The following PWWP3A variants were observed in gnomAD, a reference collection of about 807,000 sequenced individuals.
PWWP3A encodes the protein PWWP domain-containing DNA repair factor 3A.
Under a neutral mutation model 79.0 loss-of-function variants are expected in PWWP3A, and 53 were observed. That is an observed-to-expected ratio of 0.67 (90% CI 0.54 to 0.84). PWWP3A has a LOEUF of 0.84. Among genes scored for constraint, PWWP3A ranks in the 40% least tolerant of loss-of-function variants. The pLI, the probability that PWWP3A is intolerant of heterozygous loss-of-function variation, is 0.00. For missense variants in PWWP3A, 973 were observed against 948.0 expected (o/e 1.03, Z -0.35); for synonymous variants, 443 against 394.4 (o/e 1.12, Z -1.46).
intron 7 of PWWP3A, among the ~76,000 whole-genome samples, 169 bp from the exon 8 acceptor site, chr19:1,366,136 G>A (rs2082122938): frequency 6.6e-6 from 1 of 152,280 alleles, no homozygotes. Context: ...GATGCGTGTG[G>A]CAGAGCATGG....
rs2082420680 is a variant in PWWP3A, at chr19:1,377,209, C to T, written c.*633C>T. On this transcript the variant is annotated 3_prime_UTR_variant, in exon 14 of 14. Transcript: ENST00000591337. ...CCTTTCCAGGGGCCTCTGTGTCCCGCACTGTGTGTGAGTGGACCGCAGCGC... is the reference window on the plus strand; with the variant it reads ...CCTTTCCAGGGGCCTCTGTGTCCCGTACTGTGTGTGAGTGGACCGCAGCGC... The T allele has an allele frequency of 6.6e-6, 1 of 152,606 alleles. No homozygotes were observed. Among genetic ancestry groups the T allele is most frequent in the African/African-American group, 2.4e-5 (1 of 41,428 alleles). The allele number at this position is 152,606 out of a possible 1,614,324, so 9.5% of individuals were successfully genotyped here. A position where few individuals can be genotyped will look rare whatever the true frequency, so the allele number is the denominator to read the frequency against.
Position 1,360,538 on chromosome 19 carries a change from T to A in PWWP3A, c.617T>A (p.Ile206Asn). The A allele has an allele frequency of 6.2e-7, 1 of 1,614,134 alleles. No homozygotes were observed. Among genetic ancestry groups the A allele is most frequent in the Non-Finnish European group, 8.5e-7 (1 of 1,180,034 alleles). ...GCCCAAGATGAGAGTGGGTCCAGAA[T>A]CCACCACAAAAATTGGACTCTTGCA... ...GGAQDESGSR[I>N]HHKNWTLASK... The change falls in exon 5 of 14, where the codon ATC (isoleucine) becomes AAC (asparagine). Residue 206 changes from isoleucine to asparagine, a missense_variant. Coordinates refer to ENST00000591337, the MANE Select transcript of PWWP3A (RefSeq NM_001369789.1). The surrounding 1 kb of genome is among the most constrained non-coding windows in gnomAD (Gnocchi z 4.4).
intron 12 of PWWP3A, among the ~76,000 whole-genome samples, chr19:1,371,703 T>C (rs1204691687): frequency 6.6e-6 from 1 of 151,802 alleles, no homozygotes; most frequent in Non-Finnish European, 1.5e-5. Context: ...ACTTTATAAC[T>C]ATGGGAATTT....
Position 1,360,040 on chromosome 19 carries a change from C to A in PWWP3A, c.215-96C>A, listed in dbSNP as rs548849190. On this transcript the variant is annotated intron_variant, in intron 4 of 13. Transcript: ENST00000591337. This position sits in a 1 kb window ranked among gnomAD's most constrained non-coding sequence, Gnocchi z 4.4. Reference sequence around the variant, plus strand: ...TCAGTGATTTAGGTATGAAACTAGCCGTCAGAATGAGACAAGCGAGCTTCT... The same window carrying A: ...TCAGTGATTTAGGTATGAAACTAGCAGTCAGAATGAGACAAGCGAGCTTCT... The A allele has an allele frequency of 8.0e-7, 1 of 1,253,412 alleles. No individual in the cohort carries two copies. 77.6% of individuals were successfully genotyped at this position (1,253,412 alleles called of 1,614,324 possible).
In PWWP3A at chr19:1,377,841, C is replaced by T. The variant is rs1303144314; in HGVS notation, c.*1265C>T. The T allele has an allele frequency of 2.0e-5, 3 of 152,282 alleles. No individual in the cohort carries two copies. The allele number at this position is 152,282 out of a possible 1,614,324, so 9.4% of individuals were successfully genotyped here. On this transcript the variant is annotated 3_prime_UTR_variant, in exon 14 of 14. Transcript: ENST00000591337. The stretch of plus-strand genomic sequence containing the variant: ...GTGACCCTCTTCCCCCAGGCCCTCC[C>T]CAGCCGACGACAGCCACCGGAGAGG...
rs1318248001 is a variant in PWWP3A at position 1,369,987 on chromosome 19, T to G, written c.1549+341T>G. On this transcript the variant is annotated intron_variant, in intron 11 of 13. Transcript: ENST00000591337. The surrounding 1 kb of genome is among the most constrained non-coding windows in gnomAD (Gnocchi z 4.0). ...GCTCACACCTGTAATCCCAGCACTT[T>G]GGGAGGCTGAAGCAAGAGGATTGCT... is the stretch of plus-strand genomic sequence containing the variant. Among the ~76,000 whole-genome samples, 2 of 152,176 alleles carry G rather than the reference T, an allele frequency of 1.3e-5. No homozygotes were observed. Among genetic ancestry groups the G allele is most frequent in the Non-Finnish European group, 2.9e-5 (2 of 68,020 alleles).
At chr19:1,356,514 G>C (rs2081871431) in intron 2 of PWWP3A, 65 bp downstream of exon 2, 1 of 1,474,712 alleles carries the variant, frequency 6.8e-7, no homozygotes, top group African/African-American at 1.4e-5. Flanking sequence ...GTAAAATCTT[G>C]ATCAGGAGAT....
intron 8 of PWWP3A, 141 bp downstream of exon 8, chr19:1,366,522 C>T: frequency 4.2e-6 from 3 of 719,948 alleles, no homozygotes. Context: ...AGTGAGGTCT[C>T]ACTGGAGGTG....
intron 6 of PWWP3A, among the ~76,000 whole-genome samples, chr19:1,362,987 C>T (rs2082052886): frequency 6.6e-6 from 1 of 152,250 alleles, no homozygotes; most frequent in African/African-American, 2.4e-5. Context: ...TCCTCTTAAC[C>T]AAGTCTTGTT....
chr19:1,355,568 GC>G (rs999259741), intron 1 of PWWP3A, among the ~76,000 whole-genome samples: 2 of 131,910 alleles, frequency 1.5e-5, no homozygotes, highest in African/African-American at 2.9e-5. Context: ...TGCTCCCTGA[GC>G]CCCCCCGCTT....
chr19:1,360,812 C>A lies in PWWP3A; in HGVS notation c.891C>A (p.Cys297Ter). The A allele has an allele frequency of 6.3e-7, 1 of 1,584,104 alleles. No individual in the cohort carries two copies. Among genetic ancestry groups the A allele is most frequent in the South Asian group, 1.1e-5 (1 of 88,058 alleles). ...EPSACSEPGECPAKKRPRLDG... is the reference protein window; with the variant it reads ...EPSACSEPGE ...CGGCCTGCTCAGAGCCTGGAGAATG[C>A]CCTGCGAAAAAGAGGCCGCGCCTGG... Residue 297 changes from cysteine (C) to a stop codon, truncating the protein, a stop_gained, in exon 5 of 14, where the codon TGC (cysteine) becomes TGA (stop). Coordinates refer to ENST00000591337, the MANE Select transcript of PWWP3A (RefSeq NM_001369789.1). LOFTEE classifies it high-confidence loss of function. The surrounding 1 kb of genome is among the most constrained non-coding windows in gnomAD (Gnocchi z 4.4).
At chr19:1,356,951 A>G in intron 2 of PWWP3A, 58 bp from the exon 3 acceptor site, 1 of 1,416,476 alleles carries the variant, frequency 7.1e-7, no homozygotes, top group Non-Finnish European at 9.9e-7. Flanking sequence ...AAAGTTTGCC[A>G]CTGTTTCTCA....
intron 6 of PWWP3A, chr19:1,364,154 T>C: frequency 1.9e-6 from 1 of 535,772 alleles, no homozygotes; most frequent in Non-Finnish European, 3.7e-6. Context: ...TCTTTAAAAG[T>C]GTCTTCCCGC....
Position 1,360,854 on chromosome 19 carries a change from G to A in PWWP3A, c.933G>A (p.Pro311=), listed in dbSNP as rs1427339411. The change falls in exon 5 of 14, where the codon CCG becomes CCA. Residue 311 remains proline, a synonymous_variant. Transcript: ENST00000591337. The surrounding 1 kb of genome is among the most constrained non-coding windows in gnomAD (Gnocchi z 4.4). The part of the protein sequence containing the change: ...KRPRLDGSQR[P]PAVQLEPMAA... ...CGCGCCTGGATGGCAGCCAAAGGCC[G>A]CCTGCCGTGCAGCTGGAGCCCATGG... is the stretch of plus-strand genomic sequence containing the variant. The A allele has an allele frequency of 7.8e-6, 12 of 1,546,552 alleles. No homozygotes were observed. The highest frequency in any genetic ancestry group is 6.1e-5 in the Admixed American group (3 of 48,930).
In PWWP3A at chr19:1,376,607, C is replaced by T. The variant is rs921054187; in HGVS notation, c.*31C>T. ...CAGCCGGCTGTGCTGTCAGCGGGGCCTGGCGGTGGAAGCGCCTCCAGTGTG... is the reference window on the plus strand; with the variant it reads ...CAGCCGGCTGTGCTGTCAGCGGGGCTTGGCGGTGGAAGCGCCTCCAGTGTG... On this transcript the variant is annotated 3_prime_UTR_variant, in exon 14 of 14. Transcript: ENST00000591337. 1 of 1,611,990 alleles carries T rather than the reference C, an allele frequency of 6.2e-7. No individual in the cohort carries two copies. The highest frequency in any genetic ancestry group is 1.3e-5 in the African/African-American group (1 of 74,856).
At position 1,373,085 on chromosome 19, in the gene PWWP3A, C is replaced by T. The variant is rs762190818; in HGVS notation, c.2000C>T (p.Ala667Val). ...DVLLPEAIIC[A>V]ISAVDEVDYK... ...GCCCTCTCACAGGCCATCATCTGTG[C>T]GATCTCTGCGGTGGACGAGGTGGAC... The change falls in exon 13 of 14, where the codon GCG becomes GTG. Residue 667 changes from alanine (A) to valine (V), a missense_variant. Transcript: ENST00000591337. 3.7e-6 allele frequency: 6 copies of T among 1,614,026 alleles called. No individual in the cohort carries two copies. Among genetic ancestry groups the T allele is most frequent in the East Asian group, 2.2e-5 (1 of 44,900 alleles).
At chr19:1,375,447 TTATA>T (rs1189609547) in intron 13 of PWWP3A, among the ~76,000 whole-genome samples, 4 of 99,142 alleles carry the variant, frequency 4.0e-5, no homozygotes, top group Non-Finnish European at 8.2e-5. Flanking sequence ...CCATATATAT[TTATA>T]TATAATGTAT....
At chr19:1,356,219 A>G in intron 1 of PWWP3A, 105 bp from the exon 2 acceptor site, 2 of 667,734 alleles carry the variant, frequency 3.0e-6, no homozygotes, top group Admixed American at 2.1e-5. Context: ...GAATTAAACC[A>G]TCTACTTGAG....
Position 1,356,411 on chromosome 19 carries a change from G to T in PWWP3A, c.19G>T (p.Val7Phe). The change falls in exon 2 of 14, where the codon GTC becomes TTC. Residue 7 changes from valine to phenylalanine, a missense_variant. Val to Phe is a conservative substitution (Grantham distance 50). Transcript: ENST00000591337. ...GTAAATGATGGCGGATGCCAAGTATGTCCTCTGCCGATGGGAAAAGCGATT... is the reference window on the plus strand; with the variant it reads ...GTAAATGATGGCGGATGCCAAGTATTTCCTCTGCCGATGGGAAAAGCGATT... MADAKY[V>F]LCRWEKRLWP... 6.2e-7 allele frequency: 1 copy of T among 1,614,184 alleles called. No homozygotes were observed. Among genetic ancestry groups the T allele is most frequent in the Non-Finnish European group, 8.5e-7 (1 of 1,180,012 alleles).
Sources: allele counts gnomAD v4.1 joint callset (sites outside exome capture counted in the v4.1 genomes callset), GRCh38; gene constraint gnomAD v4.1.1; non-coding constraint Gnocchi (gnomAD v3.1); transcripts MANE v1.5; gene names NCBI Gene and HGNC (gene_info 2026-07-23, HGNC 2026-07-21).